NCAPH: variants seen among roughly 807,000 people sequenced by gnomAD.
The protein encoded by NCAPH is condensin complex subunit 2.
NCAPH carries 38 observed loss-of-function variants against 85.5 expected under a neutral mutation model. The ratio of observed to expected loss-of-function variants is 0.44; its 90% CI spans 0.34 to 0.58. The LOEUF (loss-of-function observed/expected upper bound fraction) is 0.58. NCAPH is among the 20% of genes least tolerant of loss of function. The probability of loss-of-function intolerance (pLI) is 0.01; values close to 1 mark genes in which losing one functional copy is unlikely to be tolerated. For synonymous variants in NCAPH, 301 were observed against 335.1 expected, an observed-to-expected ratio of 0.90 and a Z score of 1.11; for missense variants, 789 against 916.6, an observed-to-expected ratio of 0.86 and a Z score of 1.80.
chr2:96,365,515 T>C (rs1251281784), intron 13 of NCAPH, among the ~76,000 whole-genome samples: 1 of 151,996 alleles, frequency 6.6e-6, no homozygotes, highest in Non-Finnish European at 1.5e-5. Context: ...GCCCCAGGAA[T>C]CTCCTGTGCT....
At chr2:96,343,729 C>G (rs779513835) in intron 5 of NCAPH, among the ~76,000 whole-genome samples, 24 of 147,452 alleles carry the variant, frequency 1.6e-4, no homozygotes, top group Non-Finnish European at 1.9e-4. Context: ...TGAAACGAGG[C>G]TCACTTTGTC....
intron 1 of NCAPH, among the ~76,000 whole-genome samples, chr2:96,338,142 G>C (rs2064240235): frequency 6.8e-6 from 1 of 147,746 alleles, no homozygotes; most frequent in Non-Finnish European, 1.5e-5. Flanking sequence ...GGCCAGGCTG[G>C]TCTCGAACTC....
chr2:96,365,806 G>C, intron 13 of NCAPH, 70 bp from the exon 14 acceptor site: 1 of 1,472,430 alleles, frequency 6.8e-7, no homozygotes, highest in Non-Finnish European at 9.5e-7. Context: ...TAAACATGGA[G>C]TCTATTTCAA....
chr2:96,366,876 C>CAAAAA (rs928006104), intron 14 of NCAPH, among the ~76,000 whole-genome samples: 2 of 37,524 alleles, frequency 5.3e-5, no homozygotes, highest in Non-Finnish European at 5.4e-5. Flanking sequence ...GACTCCGTCT[C>CAAAAA]AAAAAAAAAA....
intron 14 of NCAPH, among the ~76,000 whole-genome samples, chr2:96,366,943 A>G (rs2064708769): frequency 1.3e-5 from 2 of 151,516 alleles, no homozygotes; most frequent in South Asian, 4.2e-4. Flanking sequence ...TACCATCTCT[A>G]CTAAAAATAC....
intron 1 of NCAPH, among the ~76,000 whole-genome samples, chr2:96,337,709 C>G (rs1322698294): frequency 6.6e-6 from 1 of 151,988 alleles, no homozygotes; most frequent in Non-Finnish European, 1.5e-5. Context: ...TGAGCCACCG[C>G]GCCCGGCCTA....
intron 14 of NCAPH, among the ~76,000 whole-genome samples, chr2:96,366,974 T>TA (rs2064709282): frequency 6.6e-6 from 1 of 151,632 alleles, no homozygotes; most frequent in South Asian, 2.1e-4. Flanking sequence ...CAGGTGCCTG[T>TA]AATCCCAGCT....
At chr2:96,351,710 G>A (rs1438696324) in intron 6 of NCAPH, 121 bp from the exon 7 acceptor site, 3 of 628,642 alleles carry the variant, frequency 4.8e-6, no homozygotes, top group South Asian at 4.1e-5. Flanking sequence ...TTTTGACCAT[G>A]AGTGGAGATA....
At chr2:96,342,891 T>C in intron 4 of NCAPH, 43 bp downstream of exon 4, 1 of 1,517,644 alleles carries the variant, frequency 6.6e-7, no homozygotes, top group Non-Finnish European at 9.1e-7. Context: ...AATTAAATGA[T>C]GATGATTTCT....
chr2:96,354,158 A>G (rs72825889), intron 8 of NCAPH, 25 bp from the exon 9 acceptor site: 177 of 1,607,140 alleles, frequency 1.1e-4, no homozygotes, highest in Middle Eastern at 5.0e-4. Flanking sequence ...AATGAGAATT[A>G]CAGAACCCTC....
rs2064623186 is a variant in NCAPH, at chr2:96,361,814, A to ATG, written c.1587+1105_1587+1106insGT. 4.5e-5 allele frequency among the ~76,000 whole-genome samples: 4 copies of ATG among 88,480 alleles called. No homozygotes were observed. The South Asian group carries it at 2.9e-3, about 63-fold the overall frequency. 58.0% of individuals were successfully genotyped at this position (88,480 alleles called of 152,430 possible). A position where few individuals can be genotyped will look rare whatever the true frequency, so the allele number is the denominator to read the frequency against. ...TATATGTATATATATGTGTATATAT[A>ATG]TATATATATATATATTTTTTTTTTT... On this transcript the variant is annotated intron_variant, in intron 12 of 17. Transcript: ENST00000240423.
chr2:96,353,551 A>G, intron 8 of NCAPH, 154 bp downstream of exon 8: 3 of 691,496 alleles, frequency 4.3e-6, no homozygotes, highest in Non-Finnish European at 7.5e-6. Context: ...ACCCTGAGGG[A>G]GGAGGGTAGG....
intron 6 of NCAPH, among the ~76,000 whole-genome samples, chr2:96,348,011 T>C (rs1188179971): frequency 1.3e-5 from 2 of 151,816 alleles, no homozygotes; most frequent in Non-Finnish European, 2.9e-5. Flanking sequence ...TAACCGTGGG[T>C]GATGTGTGTA....
Position 96,351,950 on chromosome 2 carries a change from C to G in NCAPH, c.840C>G (p.Val280=), listed in dbSNP as rs141590045. Residue 280 remains valine (V), a synonymous_variant, in exon 7 of 18, where the codon GTC becomes GTG. Transcript: ENST00000240423. The part of the protein sequence containing the change: ...YRSELLFPSD[V]QTLSTGEPLE... ...GTGAACTGCTGTTTCCCTCTGATGT[C>G]CAGACTCTCTCCACGGGAGAACCTC... is the stretch of plus-strand genomic sequence containing the variant. The G allele has an allele frequency of 9.3e-6, 15 of 1,614,056 alleles. No individual in the cohort carries two copies. The Admixed American group carries it at 2.5e-4, about 27-fold the overall frequency.
At chr2:96,363,596 T>G (rs929741235) in intron 12 of NCAPH, among the ~76,000 whole-genome samples, 1 of 152,214 alleles carries the variant, frequency 6.6e-6, no homozygotes, top group African/African-American at 2.4e-5. Context: ...TTCAGAGATT[T>G]ATATATCAAG....
At chr2:96,358,395 C>T (rs374753573) in intron 9 of NCAPH, among the ~76,000 whole-genome samples, 3 of 152,142 alleles carry the variant, frequency 2.0e-5, no homozygotes, top group African/African-American at 7.2e-5. Context: ...GGAAAGACCC[C>T]GAGGCTGGGA....
At position 96,341,717 on chromosome 2, in the gene NCAPH, G is replaced by C. The variant is rs755493729; in HGVS notation, c.95G>C (p.Arg32Pro). The change falls in exon 2 of 18, where the codon CGT (arginine) becomes CCT (proline). Residue 32 changes from arginine (R) to proline (P), a missense_variant. Transcript: ENST00000240423. Reference sequence around the variant, plus strand: ...CACAGTGCCTCCTCTCCTTCAGAGCGTGTGTTCCCGATGCCCCTGCCCAGG... The same window carrying C: ...CACAGTGCCTCCTCTCCTTCAGAGCCTGTGTTCCCGATGCCCCTGCCCAGG... ...HPHSASSPSERVFPMPLPRKA... is the reference protein window; with the variant it reads ...HPHSASSPSEPVFPMPLPRKA... The C allele has an allele frequency of 6.2e-7, 1 of 1,614,168 alleles. No homozygotes were observed. The highest frequency in any genetic ancestry group is 8.5e-7 in the Non-Finnish European group (1 of 1,180,034).
intron 1 of NCAPH, among the ~76,000 whole-genome samples, chr2:96,337,626 G>A (rs972934736): frequency 6.6e-6 from 1 of 152,128 alleles, no homozygotes; most frequent in African/African-American, 2.4e-5. Context: ...CACCGTGTTA[G>A]TCAGGGTGGT....
chr2:96,340,783 C>CT (rs745890722), intron 1 of NCAPH, among the ~76,000 whole-genome samples: 3,500 of 123,986 alleles, frequency 0.028, 130 homozygotes, highest in African/African-American at 0.09. Flanking sequence ...CATGTCCGGC[C>CT]TTTTTTTTTT....
Sources: allele counts gnomAD v4.1 joint callset (sites outside exome capture counted in the v4.1 genomes callset), GRCh38; gene constraint gnomAD v4.1.1; transcripts MANE v1.5; gene names NCBI Gene and HGNC (gene_info 2026-07-23, HGNC 2026-07-21).